The following NOSTRIN variants were observed in gnomAD, a reference collection of about 807,000 sequenced individuals.
NOSTRIN encodes nitric oxide synthase trafficking, also known as BM247 homolog.
Under a neutral mutation model 59.0 loss-of-function variants are expected in NOSTRIN, and 63 were observed. The ratio of observed to expected loss-of-function variants is 1.07; its 90% confidence interval spans 0.87 to 1.32. The LOEUF (loss-of-function observed/expected upper bound fraction) is 1.32. Ranked by LOEUF, NOSTRIN falls within the 40% of genes most tolerant of loss-of-function variation. NOSTRIN has a pLI of 0.00. For synonymous variants in NOSTRIN, 200 were observed against 165.4 expected, an observed-to-expected ratio of 1.21 and a Z score of -1.61; for missense variants, 512 against 473.1, an observed-to-expected ratio of 1.08 and a Z score of -0.76.
chr2:168,816,832 A>G (rs1003582175), intron 2 of NOSTRIN, among the ~76,000 whole-genome samples: 1 of 152,200 alleles, frequency 6.6e-6, no homozygotes, highest in African/African-American at 2.4e-5. Flanking sequence ...TAGGCATTCA[A>G]TAGATGCTCA....
At chr2:168,822,461 G>T (rs1164680153) in intron 2 of NOSTRIN, among the ~76,000 whole-genome samples, 1 of 152,184 alleles carries the variant, frequency 6.6e-6, no homozygotes, top group Non-Finnish European at 1.5e-5. Context: ...GAGTTAATTT[G>T]TGTGAAAACA....
At chr2:168,788,896 T>C (rs1574243921) in intron 2 of NOSTRIN, among the ~76,000 whole-genome samples, 1 of 74,456 alleles carries the variant, frequency 1.3e-5, no homozygotes, top group East Asian at 3.0e-4. Context: ...GATAAAAAGA[T>C]AGATAGATAG....
chr2:168,863,545 A>ATTCTC, intron 15 of NOSTRIN: 4 of 985,324 alleles, frequency 4.1e-6, no homozygotes, highest in Non-Finnish European at 3.6e-6. Context: ...TCTCTATGGA[A>ATTCTC]TTCTCTTTAT....
chr2:168,839,884 C>CAAAAAA (rs58341006), intron 7 of NOSTRIN, among the ~76,000 whole-genome samples: 4,245 of 29,282 alleles, frequency 0.14, 214 homozygotes, highest in Non-Finnish European at 0.17. Flanking sequence ...GACTCCGTCT[C>CAAAAAA]AAAAAAAAAA....
At chr2:168,814,040 G>A (rs1686280529) in intron 2 of NOSTRIN, among the ~76,000 whole-genome samples, 2 of 152,154 alleles carry the variant, frequency 1.3e-5, no homozygotes, top group Admixed American at 1.3e-4. Flanking sequence ...AAGGATGCTT[G>A]TCCACACTAA....
At chr2:168,829,355 T>C (rs972953016) in intron 5 of NOSTRIN, among the ~76,000 whole-genome samples, 4 of 150,748 alleles carry the variant, frequency 2.7e-5, no homozygotes, top group Non-Finnish European at 5.9e-5. Flanking sequence ...AGTTTTGCTC[T>C]TGTCACCCAG....
rs774966218 is a variant in NOSTRIN at position 168,856,690 on chromosome 2, G to A, written c.965G>A (p.Gly322Asp). 11 of 1,613,748 alleles carry A rather than the reference G, an allele frequency of 6.8e-6. No homozygotes were observed. In the Admixed American group the frequency reaches 1.8e-4, roughly 27 times the overall value. Residue 322 changes from glycine (G) to aspartate (D), a missense_variant and splice_region_variant, in exon 12 of 16, where the codon GGC becomes GAC. By Grantham distance (94) the Gly-to-Asp change is moderately conservative. Transcript: ENST00000317647. ...DIEKASKDKE[G>D]LERMLKTYSS... ...ACTGAGAACATGATTTCATTTTCAG[G>A]CCTGGAACGAATGCTTAAAACGTAC...
Position 168,860,868 on chromosome 2 carries a change from C to T in NOSTRIN, c.1253C>T (p.Ala418Val), listed in dbSNP as rs116059642. 1.2e-3 allele frequency: 1,862 copies of T among 1,613,954 alleles called. 20 individuals are homozygous for T. In the African/African-American group the frequency reaches 0.022, roughly 19 times the overall value. ...AGATTAGAGAATATTGTGAGCAAGG[C>T]ATCTTCTGGTGGGCAGAGCAATCCA... is the stretch of plus-strand genomic sequence containing the variant. ...MKRLENIVSK[A>V]SSGGQSNPGS... The change falls in exon 14 of 16, where the codon GCA becomes GTA. Residue 418 changes from alanine to valine, a missense_variant. Physicochemically the swap from Ala to Val is moderately conservative, Grantham distance 64 (BLOSUM62 0). Coordinates refer to ENST00000317647, the MANE Select transcript of NOSTRIN (RefSeq NM_001039724.4).
intron 7 of NOSTRIN, among the ~76,000 whole-genome samples, chr2:168,838,830 C>T (rs1687892402): frequency 6.7e-6 from 1 of 150,276 alleles, no homozygotes; most frequent in Non-Finnish European, 1.5e-5. Context: ...TCTTGTTGCC[C>T]AGGCTGGAGT....
At chr2:168,852,496 C>A (rs1688829213) in intron 10 of NOSTRIN, among the ~76,000 whole-genome samples, 1 of 152,168 alleles carries the variant, frequency 6.6e-6, no homozygotes, top group African/African-American at 2.4e-5. Flanking sequence ...TTATTAATTA[C>A]CAAAACCTGC....
intron 8 of NOSTRIN, among the ~76,000 whole-genome samples, chr2:168,850,357 G>A (rs894752002): frequency 1.4e-4 from 22 of 152,190 alleles, no homozygotes; most frequent in Non-Finnish European, 2.1e-4. Context: ...TGCAAACAGC[G>A]GACTCTGACT....
intron 12 of NOSTRIN, among the ~76,000 whole-genome samples, chr2:168,858,614 G>A (rs1290241916): frequency 6.6e-6 from 1 of 152,206 alleles, no homozygotes; most frequent in Non-Finnish European, 1.5e-5. Context: ...ATCAAGTGAA[G>A]GTCTAATGGT....
chr2:168,854,024 C>T (rs561051364), intron 10 of NOSTRIN, among the ~76,000 whole-genome samples: 4 of 152,126 alleles, frequency 2.6e-5, no homozygotes, highest in Admixed American at 1.3e-4. Flanking sequence ...CACACCACCA[C>T]GCCCGGCTAA....
At chr2:168,839,756 C>T (rs1470350930) in intron 7 of NOSTRIN, among the ~76,000 whole-genome samples, 1 of 151,270 alleles carries the variant, frequency 6.6e-6, no homozygotes, top group Non-Finnish European at 1.5e-5. Context: ...CGTGGTGGCA[C>T]ATGCCTGTAA....
rs75798003 is a variant in NOSTRIN at position 168,835,460 on chromosome 2, C to A, written c.504+1135C>A. On this transcript the variant is annotated intron_variant, in intron 7 of 15. Transcript: ENST00000317647. Reference sequence around the variant, plus strand: ...GTTTGCCCTTTCATGTGGGTAGTAACAAACTCACAACCAGGAGAGGTGGCA... The same window carrying A: ...GTTTGCCCTTTCATGTGGGTAGTAAAAAACTCACAACCAGGAGAGGTGGCA... 5.1e-4 allele frequency among the ~76,000 whole-genome samples: 78 copies of A among 152,296 alleles called. 3 individuals are homozygous for A. The East Asian group carries it at 0.015, about 29-fold the overall frequency.
At chr2:168,790,805 T>C (rs768690261) in intron 2 of NOSTRIN, among the ~76,000 whole-genome samples, 3 of 152,170 alleles carry the variant, frequency 2.0e-5, no homozygotes, top group Admixed American at 6.5e-5. Context: ...CTGCTTTTGA[T>C]GGTTGTATTT....
chr2:168,862,770 C>CAGTT (rs1312212463), intron 15 of NOSTRIN, among the ~76,000 whole-genome samples: 3 of 135,046 alleles, frequency 2.2e-5, no homozygotes, highest in South Asian at 2.8e-4. Context: ...TTTATGTGTC[C>CAGTT]AGTTAGAAAC....
chr2:168,854,660 C>G (rs1029402519), intron 10 of NOSTRIN, among the ~76,000 whole-genome samples: 1 of 152,034 alleles, frequency 6.6e-6, no homozygotes, highest in African/African-American at 2.4e-5. Flanking sequence ...TCCCACAGTC[C>G]TCCCCCAGCC....
chr2:168,850,138 C>A (rs1487378225), intron 8 of NOSTRIN, among the ~76,000 whole-genome samples: 1 of 152,056 alleles, frequency 6.6e-6, no homozygotes, highest in Non-Finnish European at 1.5e-5. Flanking sequence ...GTCTCAAACT[C>A]CTGACCTCAG....
Sources: gnomAD v4.1 joint callset for allele counts (sites outside exome capture counted in the v4.1 genomes callset) on GRCh38, gnomAD v4.1.1 for gene constraint, MANE v1.5 for transcripts, NCBI Gene and HGNC (gene_info 2026-07-23, HGNC 2026-07-21) for gene names.